The following DCAF15 variants were observed in gnomAD, a reference collection of about 807,000 sequenced individuals.
The protein encoded by DCAF15 is DDB1- and CUL4-associated factor 15.
In DCAF15, 24 loss-of-function variants were observed where a neutral mutation model predicts 68.0. The observed-to-expected ratio is 0.35, with a 90% confidence interval of 0.26 to 0.50. The LOEUF (loss-of-function observed/expected upper bound fraction) is 0.50, where lower values mean the gene tolerates loss of function less well. DCAF15 is among the 20% of genes least tolerant of loss of function. DCAF15 has a pLI of 0.98. For missense variants in DCAF15, 627 were observed against 830.6 expected (o/e 0.75, Z 3.01); for synonymous variants, 376 against 341.6 (o/e 1.10, Z -1.11).
chr19:13,952,521 C>T lies in DCAF15; in HGVS notation c.9C>T (p.Pro3=). The change falls in exon 1 of 13, where the codon CCC becomes CCT. Residue 3 remains proline, a synonymous_variant. Transcript: ENST00000254337. ...GGAGGGAGGGGGTGAAAATGGCGCC[C>T]AGCTCGAAATCGGAGCGGAACAGCG... MA[P]SSKSERNSGA... 3 of 1,250,454 alleles carry T rather than the reference C, an allele frequency of 2.4e-6. No homozygotes were observed. The highest frequency in any genetic ancestry group is 3.8e-5 in the South Asian group (1 of 26,472). 77.5% of individuals were successfully genotyped at this position (1,250,454 alleles called of 1,614,324 possible). A position where few individuals can be genotyped will look rare whatever the true frequency, so the allele number is the denominator to read the frequency against.
chr19:13,955,957 C>T lies in DCAF15; in HGVS notation c.412C>T (p.Leu138=), dbSNP rs201426808. ...LFQDEEIYSD[L]YLTVCEWPSD... ...CCAGGACGAGGAGATCTACAGCGAC[C>T]TGTACCTGACCGTATGCGAGTGGCC... is the stretch of plus-strand genomic sequence containing the variant. Residue 138 remains leucine (L), a synonymous_variant, in exon 4 of 13, where the codon CTG becomes TTG. Transcript: ENST00000254337. 4.3e-6 allele frequency: 7 copies of T among 1,613,834 alleles called. No homozygotes were observed. The highest frequency in any genetic ancestry group is 2.2e-5 in the South Asian group (2 of 91,094).
chr19:13,952,946 T>A, intron 1 of DCAF15: 1 of 903,628 alleles, frequency 1.1e-6, no homozygotes, highest in Non-Finnish European at 1.6e-6. Context: ...GCAGGGAGAA[T>A]CAGGAGGAAG....
chr19:13,961,332 C>G lies in DCAF15; in HGVS notation c.*337C>G, dbSNP rs10410418. 5.3e-6 allele frequency: 2 copies of G among 374,834 alleles called. No individual in the cohort carries two copies. The highest frequency in any genetic ancestry group is 2.0e-5 in the African/African-American group (1 of 48,968). 23.2% of individuals were successfully genotyped at this position (374,834 alleles called of 1,614,324 possible). Reference sequence around the variant, plus strand: ...CTGTGGACGTTGCCCTCGGGGAGGTCGAATGGACCCCATTCCCCCTGCCCT... The same window carrying G: ...CTGTGGACGTTGCCCTCGGGGAGGTGGAATGGACCCCATTCCCCCTGCCCT... On this transcript the variant is annotated 3_prime_UTR_variant, in exon 13 of 13. Transcript: ENST00000254337.
chr19:13,954,313 G>A (rs1236280681), intron 1 of DCAF15, 27 bp from the exon 2 acceptor site: 1 of 1,603,352 alleles, frequency 6.2e-7, no homozygotes, highest in Admixed American at 1.7e-5. Flanking sequence ...GATGGTGCCT[G>A]AAGTGCCCTG....
At chr19:13,957,033 G>A (rs796828444) in intron 6 of DCAF15, among the ~76,000 whole-genome samples, 3 of 152,250 alleles carry the variant, frequency 2.0e-5, no homozygotes, top group African/African-American at 7.2e-5. Flanking sequence ...TGGGATGACA[G>A]GCGTGAGCCA....
intron 1 of DCAF15, chr19:13,953,269 T>C: frequency 1.1e-6 from 1 of 873,778 alleles, no homozygotes; most frequent in Non-Finnish European, 1.7e-6. Context: ...CCCCCATCAG[T>C]TTGGGAGCTC....
intron 12 of DCAF15, 53 bp downstream of exon 12, chr19:13,960,633 A>T: frequency 6.8e-7 from 1 of 1,479,558 alleles, no homozygotes; most frequent in South Asian, 1.3e-5. Flanking sequence ...ACTTGTCCTC[A>T]CCCAGGAGCT....
At position 13,954,358 on chromosome 19, in the gene DCAF15, C is replaced by T. The variant is rs1435632568; in HGVS notation, c.151C>T (p.Pro51Ser). ...ERVKISGQLS[P>S]RLFRKLPPRV... The stretch of plus-strand genomic sequence containing the variant: ...TCCCCAGATCAGCGGACAGCTCTCC[C>T]CTCGCCTCTTCCGGAAGCTGCCTCC... The change falls in exon 2 of 13, where the codon CCT becomes TCT. Residue 51 changes from proline (P) to serine (S), a missense_variant. This residue lies in a region of DCAF15 where 273 missense variants were observed against 393.7 expected (regional missense o/e 0.69). Transcript: ENST00000254337. The T allele has an allele frequency of 1.9e-6, 3 of 1,613,552 alleles. No homozygotes were observed. The highest frequency in any genetic ancestry group is 2.5e-6 in the Non-Finnish European group (3 of 1,179,962).
Position 13,959,474 on chromosome 19 carries a change from A to C in DCAF15, c.1214A>C (p.Glu405Ala), listed in dbSNP as rs764589525. ...GAGTCCGGAGAGGGGACGGAGCCGG[A>C]GGATGGTGAGCGGGGGGCAGGCATG... ...VLESGEGTEPEDELEDDKISL... is the reference protein window; with the variant it reads ...VLESGEGTEPADELEDDKISL... Residue 405 changes from glutamate (E) to alanine (A), a missense_variant, in exon 7 of 13, where the codon GAG (glutamate) becomes GCG (alanine). This residue lies in a region of DCAF15 where 236 missense variants were observed against 225.1 expected (regional missense o/e 1.05). Coordinates refer to ENST00000254337, the MANE Select transcript of DCAF15 (RefSeq NM_138353.4). 1 of 1,609,422 alleles carries C rather than the reference A, an allele frequency of 6.2e-7. No homozygotes were observed. The highest frequency in any genetic ancestry group is 8.5e-7 in the Non-Finnish European group (1 of 1,177,700).
intron 6 of DCAF15, among the ~76,000 whole-genome samples, chr19:13,957,677 G>T (rs1044771883): frequency 6.6e-6 from 1 of 152,166 alleles, no homozygotes; most frequent in Non-Finnish European, 1.5e-5. Context: ...GGAGGCTGAG[G>T]CAGGCGGATC....
rs1973519155 is a variant in DCAF15, at chr19:13,959,683, G to A, written c.1311+10G>A. ...GCGGACTGCTGTCCAGGTGGGTGTG[G>A]GCAGTGGGCGGGCCAAGGACAGTCC... On this transcript the variant is annotated intron_variant, in intron 8 of 12. Coordinates refer to ENST00000254337, the MANE Select transcript of DCAF15 (RefSeq NM_138353.4). 1 of 1,613,168 alleles carries A rather than the reference G, an allele frequency of 6.2e-7. No individual in the cohort carries two copies. The highest frequency in any genetic ancestry group is 8.5e-7 in the Non-Finnish European group (1 of 1,179,846).
At chr19:13,953,007 G>T in intron 1 of DCAF15, 1 of 1,252,794 alleles carries the variant, frequency 8.0e-7, no homozygotes, top group Non-Finnish European at 1.1e-6. Flanking sequence ...CTCCATAATG[G>T]AACCTTCCCG....
intron 6 of DCAF15, 32 bp downstream of exon 6, chr19:13,956,554 A>T: frequency 1.9e-6 from 3 of 1,608,814 alleles, no homozygotes. Context: ...CCACCCGGCA[A>T]CGCGTGAAGC....
Position 13,956,208 on chromosome 19 carries a change from G to A in DCAF15, c.559G>A (p.Val187Met), listed in dbSNP as rs1237790187. ...TGACATCTACGTCAGCACCGTGGCCGTGCCACCGCCAGGCCGCTGTGCTGC... is the reference window on the plus strand; with the variant it reads ...TGACATCTACGTCAGCACCGTGGCCATGCCACCGCCAGGCCGCTGTGCTGC... ...HRDIYVSTVAVPPPGRCAACQ... is the reference protein window; with the variant it reads ...HRDIYVSTVAMPPPGRCAACQ... The change falls in exon 5 of 13, where the codon GTG becomes ATG. Residue 187 changes from valine to methionine, a missense_variant. Around this residue, in one of 3 missense-constraint regions of DCAF15, gnomAD observed 273 missense variants for 393.7 expected, o/e 0.69. Transcript: ENST00000254337. The A allele has an allele frequency of 8.7e-6, 14 of 1,611,820 alleles. No individual in the cohort carries two copies. The highest frequency in any genetic ancestry group is 4.5e-5 in the East Asian group (2 of 44,856).
chr19:13,960,635 C>A, intron 12 of DCAF15, 55 bp downstream of exon 12: 1 of 1,472,108 alleles, frequency 6.8e-7, no homozygotes. Flanking sequence ...TTGTCCTCAC[C>A]CAGGAGCTGA....
At chr19:13,957,994 T>C (rs1973437502) in intron 6 of DCAF15, among the ~76,000 whole-genome samples, 1 of 152,128 alleles carries the variant, frequency 6.6e-6, no homozygotes, top group African/African-American at 2.4e-5. Flanking sequence ...CAGGATTAAA[T>C]GTATATAACG....
Position 13,961,061 on chromosome 19 carries a change from G to T in DCAF15, c.*66G>T. On this transcript the variant is annotated 3_prime_UTR_variant, in exon 13 of 13. Transcript: ENST00000254337. ...GGCCTGGGACCGGCCCCCTTCCTGG[G>T]GTGGCCTCTTCCTGGCCGGCTGGCC... is the stretch of plus-strand genomic sequence containing the variant. 6.3e-7 allele frequency: 1 copy of T among 1,599,916 alleles called. No homozygotes were observed. The highest frequency in any genetic ancestry group is 2.2e-5 in the East Asian group (1 of 44,744).
Position 13,954,329 on chromosome 19 carries a change from C to A in DCAF15, c.133-11C>A, listed in dbSNP as rs761601832. ...ATGGTGCCTGAAGTGCCCTGGCCACCCCTTCCCCAGATCAGCGGACAGCTC... is the reference window on the plus strand; with the variant it reads ...ATGGTGCCTGAAGTGCCCTGGCCACACCTTCCCCAGATCAGCGGACAGCTC... On this transcript the variant is annotated splice_polypyrimidine_tract_variant and intron_variant, in intron 1 of 12. Transcript: ENST00000254337. 2 of 1,611,898 alleles carry A rather than the reference C, an allele frequency of 1.2e-6. No individual in the cohort carries two copies. The highest frequency in any genetic ancestry group is 1.7e-6 in the Non-Finnish European group (2 of 1,179,402).
In DCAF15 at chr19:13,956,202, G is replaced by A. The variant is rs140182834; in HGVS notation, c.553G>A (p.Val185Met). The A allele has an allele frequency of 2.9e-5, 47 of 1,611,860 alleles. No individual in the cohort carries two copies. The highest frequency in any genetic ancestry group is 1.5e-4 in the South Asian group (14 of 91,020). Reference protein sequence around the residue: ...ENHRDIYVSTVAVPPPGRCAA... With the variant: ...ENHRDIYVSTMAVPPPGRCAA... ...CCACCGTGACATCTACGTCAGCACC[G>A]TGGCCGTGCCACCGCCAGGCCGCTG... The change falls in exon 5 of 13, where the codon GTG becomes ATG. Residue 185 changes from valine to methionine, a missense_variant. Physicochemically the swap from Val to Met is conservative, Grantham distance 21. Coordinates refer to ENST00000254337, the MANE Select transcript of DCAF15 (RefSeq NM_138353.4).
Sources: gnomAD v4.1 joint callset for allele counts (sites outside exome capture counted in the v4.1 genomes callset) on GRCh38, gnomAD v4.1.1 for gene constraint, gnomAD v4.1.1 regional missense constraint, MANE v1.5 for transcripts, NCBI Gene and HGNC (gene_info 2026-07-23, HGNC 2026-07-21) for gene names.